The following MAP4K3 variants were observed in gnomAD, a reference collection of about 807,000 sequenced individuals.
MAP4K3 encodes the protein MAPK/ERK kinase kinase kinase 3.
In MAP4K3, 94 loss-of-function variants were observed where a neutral mutation model predicts 143.5. That is an observed-to-expected ratio of 0.65 (90% confidence interval 0.55 to 0.78). The LOEUF is 0.78. Among genes scored for constraint, MAP4K3 ranks in the 30% least tolerant of loss-of-function variants. MAP4K3 has a pLI of 0.00. For missense variants in MAP4K3, 1,077 were observed against 1,068.1 expected (o/e 1.01, Z -0.12); for synonymous variants, 416 against 347.2 (o/e 1.20, Z -2.20).
At chr2:39,427,395 T>C (rs1433499301) in intron 1 of MAP4K3, among the ~76,000 whole-genome samples, 2 of 151,970 alleles carry the variant, frequency 1.3e-5, no homozygotes, top group Non-Finnish European at 2.9e-5. Context: ...TGAAGGAATA[T>C]AAGGCCAAGA....
At chr2:39,436,820 G>C (rs995726780) in intron 1 of MAP4K3, 72 bp downstream of exon 1, 1 of 1,354,744 alleles carries the variant, frequency 7.4e-7, no homozygotes, top group Non-Finnish European at 1.0e-6. Context: ...CAGGCGGCAA[G>C]GGCTCGGACG....
At chr2:39,299,120 T>C (rs1573114592) in intron 16 of MAP4K3, among the ~76,000 whole-genome samples, 1 of 152,290 alleles carries the variant, frequency 6.6e-6, no homozygotes, top group Admixed American at 6.5e-5. Flanking sequence ...CTAAGGGGAA[T>C]AGCAAAATTC....
In MAP4K3 at chr2:39,309,463, G is replaced by A; in HGVS notation, c.1054C>T (p.Leu352Phe). 6.4e-7 allele frequency: 1 copy of A among 1,574,746 alleles called. No homozygotes were observed. The highest frequency in any genetic ancestry group is 8.6e-7 in the Non-Finnish European group (1 of 1,161,322). ...CATTCTAAGGCTATACTACTTACAAGTTCATGATGTGGTTCTGTCTCCTTT... is the reference window on the plus strand; with the variant it reads ...CATTCTAAGGCTATACTACTTACAAATTCATGATGTGGTTCTGTCTCCTTT... ...LRKETEPHHELPDSDGFLDSS... is the reference protein window; with the variant it reads ...LRKETEPHHEFPDSDGFLDSS... The change falls in exon 14 of 34, where the codon CTT (leucine) becomes TTT (phenylalanine). Residue 352 changes from leucine to phenylalanine, a missense_variant and splice_region_variant. Coordinates refer to ENST00000263881, the MANE Select transcript of MAP4K3 (RefSeq NM_003618.4).
chr2:39,325,876 G>A (rs751749992), intron 10 of MAP4K3, 23 bp downstream of exon 10: 15 of 1,564,628 alleles, frequency 9.6e-6, no homozygotes, highest in Non-Finnish European at 1.3e-5. Context: ...CACCATAAAA[G>A]TAAATAACAT....
chr2:39,324,023 TGC>T (rs1398087145), intron 12 of MAP4K3, among the ~76,000 whole-genome samples: 1 of 152,210 alleles, frequency 6.6e-6, no homozygotes, highest in African/African-American at 2.4e-5. Flanking sequence ...CATACTACCA[TGC>T]ACATCAAGGA....
At chr2:39,332,865 G>A (rs1683724618) in intron 7 of MAP4K3, among the ~76,000 whole-genome samples, 1 of 151,892 alleles carries the variant, frequency 6.6e-6, no homozygotes, top group Non-Finnish European at 1.5e-5. Flanking sequence ...TTTATAAAAT[G>A]CTTATTTTTA....
intron 2 of MAP4K3, among the ~76,000 whole-genome samples, chr2:39,376,300 G>T (rs1044940527): frequency 2.0e-5 from 3 of 152,134 alleles, no homozygotes; most frequent in Non-Finnish European, 4.4e-5. Context: ...GGGGAAATGG[G>T]TAGCTGTAAT....
chr2:39,287,596 C>T (rs554739177), intron 20 of MAP4K3, among the ~76,000 whole-genome samples: 12 of 152,258 alleles, frequency 7.9e-5, no homozygotes, highest in African/African-American at 2.9e-4. Flanking sequence ...AGCCACCATG[C>T]CCAGCCTAGT....
intron 19 of MAP4K3, among the ~76,000 whole-genome samples, chr2:39,290,084 C>CAAAAAAAAAAAAA (rs57058905): frequency 8.9e-6 from 1 of 111,976 alleles, no homozygotes; most frequent in African/African-American, 3.8e-5. Context: ...GAGACTGTCT[C>CAAAAAAAAAAAAA]AAAAAAAAAA....
At chr2:39,303,594 A>G (rs1682589350) in intron 15 of MAP4K3, among the ~76,000 whole-genome samples, 1 of 152,206 alleles carries the variant, frequency 6.6e-6, no homozygotes, top group Non-Finnish European at 1.5e-5. Context: ...GCTGGAGTGC[A>G]GTGGCACGAT....
rs1680102533 is a variant in MAP4K3 at position 39,250,344 on chromosome 2, T to C, written c.*274A>G. On this transcript the variant is annotated 3_prime_UTR_variant, in exon 34 of 34. Coordinates refer to ENST00000263881, the MANE Select transcript of MAP4K3 (RefSeq NM_003618.4). ...GTACATTATCTACATAAATTCTTAG[T>C]GTATGTCTTCAGCAATATGAAGTTT... 1 of 335,008 alleles carries C rather than the reference T, an allele frequency of 3.0e-6. No individual in the cohort carries two copies. The allele number at this position is 335,008 out of a possible 1,614,324, so 20.8% of individuals were successfully genotyped here. A position where few individuals can be genotyped will look rare whatever the true frequency, so the allele number is the denominator to read the frequency against.
chr2:39,337,519 G>A lies in MAP4K3; in HGVS notation c.366+7C>T. 1 of 1,605,872 alleles carries A rather than the reference G, an allele frequency of 6.2e-7. No homozygotes were observed. Among genetic ancestry groups the A allele is most frequent in the Non-Finnish European group, 8.5e-7 (1 of 1,173,432 alleles). On this transcript the variant is annotated splice_region_variant and intron_variant, in intron 5 of 33. Transcript: ENST00000263881. ...AAATGTTATTTTTGAATTAGCACTT[G>A]ATTTACCTGCAGTGTTTCTCTGCTA...
At chr2:39,293,594 C>G (rs1156550217) in intron 16 of MAP4K3, among the ~76,000 whole-genome samples, 4 of 152,120 alleles carry the variant, frequency 2.6e-5, no homozygotes. Context: ...ACAATAATTG[C>G]AGGGTCATAG....
chr2:39,344,699 G>T (rs1021399044), intron 3 of MAP4K3, among the ~76,000 whole-genome samples: 5 of 152,146 alleles, frequency 3.3e-5, no homozygotes, highest in African/African-American at 1.2e-4. Context: ...ACCCAGAGAT[G>T]AAAATACCTA....
In MAP4K3 at chr2:39,250,572, G is replaced by T; in HGVS notation, c.*46C>A. On this transcript the variant is annotated 3_prime_UTR_variant, in exon 34 of 34. Transcript: ENST00000263881. ...TCAAGCATCCATTAATGTTGCAGTG[G>T]TAGTGTTCTTTCTTTCTAGAGTTAA... is the stretch of plus-strand genomic sequence containing the variant. The T allele has an allele frequency of 6.6e-7, 1 of 1,515,138 alleles. No individual in the cohort carries two copies. Among genetic ancestry groups the T allele is most frequent in the Non-Finnish European group, 9.2e-7 (1 of 1,092,004 alleles). The allele number at this position is 1,515,138 out of a possible 1,614,324, so 93.9% of individuals were successfully genotyped here.
At chr2:39,395,224 T>A (rs903625206) in intron 1 of MAP4K3, among the ~76,000 whole-genome samples, 8 of 152,166 alleles carry the variant, frequency 5.3e-5, no homozygotes, top group Admixed American at 5.2e-4. Context: ...GGCTCTGTTG[T>A]ATAAAAATTA....
At chr2:39,309,671 C>A in intron 13 of MAP4K3, 152 bp from the exon 14 acceptor site, 1 of 523,682 alleles carries the variant, frequency 1.9e-6, no homozygotes, top group Admixed American at 3.6e-5. Context: ...CATTTCCCTG[C>A]CTCAGCCTCC....
intron 26 of MAP4K3, chr2:39,271,789 G>C (rs527991816): frequency 3.3e-5 from 5 of 153,814 alleles, no homozygotes; most frequent in African/African-American, 1.2e-4. Flanking sequence ...TAGAGATGAG[G>C]TCTTGCTATG....
At position 39,292,737 on chromosome 2, in the gene MAP4K3, C is replaced by T. The variant is rs760601921; in HGVS notation, c.1271+36G>A. ...ATTGATGAAATCAGGTCAAATGACA[C>T]CTTTTCTTTTTACCAAAAACAGAGA... is the stretch of plus-strand genomic sequence containing the variant. On this transcript the variant is annotated intron_variant, in intron 18 of 33. Coordinates refer to ENST00000263881, the MANE Select transcript of MAP4K3 (RefSeq NM_003618.4). 7.7e-6 allele frequency: 12 copies of T among 1,562,106 alleles called. No homozygotes were observed. The South Asian group carries it at 7.8e-5, about 10-fold the overall frequency.
Sources: allele counts gnomAD v4.1 joint callset (sites outside exome capture counted in the v4.1 genomes callset), GRCh38; gene constraint gnomAD v4.1.1; transcripts MANE v1.5; gene names NCBI Gene and HGNC (gene_info 2026-07-23, HGNC 2026-07-21).